Variants in LDLRAD4 observed in about 807,000 individuals in gnomAD.
LDLRAD4 encodes low density lipoprotein receptor class A domain containing 4.
A neutral mutation model predicts 17.0 loss-of-function variants in LDLRAD4; 5 were observed. That is an observed-to-expected ratio of 0.29 (90% confidence interval 0.15 to 0.62). LDLRAD4 has a LOEUF of 0.62. LDLRAD4 is among the 20% of genes least tolerant of loss of function. The pLI is 0.84. For missense variants in LDLRAD4, 340 were observed against 424.7 expected (o/e 0.80, Z 1.75); for synonymous variants, 168 against 171.8 (o/e 0.98, Z 0.17).
intron 1 of LDLRAD4, among the ~76,000 whole-genome samples, chr18:13,290,014 T>G (rs2045874567): frequency 6.6e-6 from 1 of 152,168 alleles, no homozygotes; most frequent in African/African-American, 2.4e-5. Flanking sequence ...TTTTACTGTG[T>G]GGGCAGACGT....
chr18:13,325,295 A>G (rs372838259), intron 1 of LDLRAD4, among the ~76,000 whole-genome samples: 1 of 152,294 alleles, frequency 6.6e-6, no homozygotes. Context: ...AGTCGTGGCT[A>G]TGGACTTCTC....
At position 13,331,332 on chromosome 18, in the gene LDLRAD4, C is replaced by G. The variant is rs563437692; in HGVS notation, c.-383+53144C>G. 2.0e-5 allele frequency among the ~76,000 whole-genome samples: 3 copies of G among 152,234 alleles called. No individual in the cohort carries two copies. The South Asian group carries it at 6.2e-4, about 32-fold the overall frequency. ...GCTTGGTTGGTGTGTGGGGAAGCCC[C>G]CTCCCCACATTTGCTCTCAGAAGAC... On this transcript the variant is annotated intron_variant, in intron 1 of 5. Coordinates refer to ENST00000359446, the Ensembl canonical transcript of LDLRAD4.
intron 3 of LDLRAD4, among the ~76,000 whole-genome samples, chr18:13,503,947 G>A (rs534932024): frequency 9.9e-4 from 150 of 152,174 alleles, no homozygotes; most frequent in African/African-American, 3.5e-3. Flanking sequence ...CTAATGATAG[G>A]CAAGGCTCAT....
chr18:13,643,353 C>A lies in LDLRAD4; in HGVS notation c.337-6C>A. Reference sequence around the variant, plus strand: ...CCCCCACTCTCCTCCCCTTCCCCTCCGCCAGGAAGGGTGCCTGTGGCCTTC... The same window carrying A: ...CCCCCACTCTCCTCCCCTTCCCCTCAGCCAGGAAGGGTGCCTGTGGCCTTC... On this transcript the variant is annotated splice_polypyrimidine_tract_variant and splice_region_variant and intron_variant, in intron 4 of 5. Transcript: ENST00000359446. 1 of 1,464,810 alleles carries A rather than the reference C, an allele frequency of 6.8e-7. No homozygotes were observed. Among genetic ancestry groups the A allele is most frequent in the Admixed American group, 2.4e-5 (1 of 41,750 alleles). The allele number at this position is 1,464,810 out of a possible 1,614,324, so 90.7% of individuals were successfully genotyped here.
At chr18:13,328,199 G>A (rs1368273968) in intron 1 of LDLRAD4, among the ~76,000 whole-genome samples, 1 of 152,232 alleles carries the variant, frequency 6.6e-6, no homozygotes, top group African/African-American at 2.4e-5. Context: ...AGGAGGCTCA[G>A]TGAGGGTTCT....
rs1260420456 is a variant in LDLRAD4, at chr18:13,645,958, CCA to C, written c.*304_*305del. ...CTTTGAAGATACCATGAAATAAAAC[CCA>C]CAGAGGTATTTGATGTATTTAATTG... On this transcript the variant is annotated 3_prime_UTR_variant, in exon 6 of 6. Coordinates refer to ENST00000359446, the Ensembl canonical transcript of LDLRAD4. The surrounding 1 kb of genome is among the most constrained non-coding windows in gnomAD (Gnocchi z 5.7). The C allele has an allele frequency of 7.4e-6, 2 of 270,948 alleles. No individual in the cohort carries two copies. The highest frequency in any genetic ancestry group is 1.4e-5 in the Non-Finnish European group (2 of 146,018). 16.8% of individuals were successfully genotyped at this position (270,948 alleles called of 1,614,324 possible).
At chr18:13,324,951 C>T (rs544725330) in intron 1 of LDLRAD4, among the ~76,000 whole-genome samples, 53 of 152,262 alleles carry the variant, frequency 3.5e-4, no homozygotes, top group Non-Finnish European at 3.8e-4. Context: ...ACGTCAATTA[C>T]GCATGCGTCT....
At chr18:13,619,049 C>A (rs529907891) in intron 3 of LDLRAD4, among the ~76,000 whole-genome samples, 1 of 152,362 alleles carries the variant, frequency 6.6e-6, no homozygotes, top group East Asian at 1.9e-4. Context: ...CACACCCATG[C>A]AGCTGGGCAG....
chr18:13,309,294 G>T (rs1166065235), intron 1 of LDLRAD4, among the ~76,000 whole-genome samples: 2 of 152,156 alleles, frequency 1.3e-5, no homozygotes, highest in Non-Finnish European at 2.9e-5. Context: ...GTGGCTTCGC[G>T]TACTGGTAAT....
At chr18:13,641,363 A>G (rs186243293) in intron 4 of LDLRAD4, among the ~76,000 whole-genome samples, 2 of 152,356 alleles carry the variant, frequency 1.3e-5, no homozygotes, top group East Asian at 3.9e-4. Flanking sequence ...TGAATGGATA[A>G]GTTGGATAGG....
At chr18:13,616,398 T>G (rs920691650) in intron 3 of LDLRAD4, among the ~76,000 whole-genome samples, 2 of 152,190 alleles carry the variant, frequency 1.3e-5, no homozygotes, top group Non-Finnish European at 2.9e-5. Context: ...TTTGAGGATC[T>G]CCTGGGCCCT....
At chr18:13,365,260 A>C (rs11080646) in intron 1 of LDLRAD4, among the ~76,000 whole-genome samples, 61,331 of 152,014 alleles carry the variant, frequency 0.4, 12,841 homozygotes, top group African/African-American at 0.53. Context: ...AGCTGGTTCC[A>C]TGAGAGTCTC....
rs1452361169 is a variant in LDLRAD4 at position 13,300,765 on chromosome 18, TG to T, written c.-383+22578del. Among the ~76,000 whole-genome samples the T allele has an allele frequency of 6.6e-6, 1 of 152,220 alleles. No individual in the cohort carries two copies. The highest frequency in any genetic ancestry group is 1.5e-5 in the Non-Finnish European group (1 of 68,026). ...TTGTATTTCAGTGAGGGGTCTAGGC[TG>T]CTGAGGATTTCTCTCTGGAGGCCTC... is the stretch of plus-strand genomic sequence containing the variant. On this transcript the variant is annotated intron_variant, in intron 1 of 5. Coordinates refer to ENST00000359446, the Ensembl canonical transcript of LDLRAD4. The surrounding 1 kb of genome is among the most constrained non-coding windows in gnomAD (Gnocchi z 4.2).
chr18:13,334,570 A>G (rs1443857382), intron 1 of LDLRAD4, among the ~76,000 whole-genome samples: 1 of 152,192 alleles, frequency 6.6e-6, no homozygotes. Context: ...GTATCCTAGA[A>G]TCTTGCTATA....
At chr18:13,417,237 ATT>A (rs35259198) in intron 2 of LDLRAD4, among the ~76,000 whole-genome samples, 1 of 152,210 alleles carries the variant, frequency 6.6e-6, no homozygotes, top group Non-Finnish European at 1.5e-5. Flanking sequence ...TAGAAAAATT[ATT>A]TTAAGAAGTA....
At chr18:13,566,498 G>A (rs1785174) in intron 3 of LDLRAD4, among the ~76,000 whole-genome samples, 2 of 152,086 alleles carry the variant, frequency 1.3e-5, no homozygotes, top group East Asian at 3.9e-4. Flanking sequence ...GAGTAGCTGG[G>A]ACTACAGGCG....
chr18:13,393,797 C>G (rs1337526383), intron 2 of LDLRAD4, among the ~76,000 whole-genome samples: 1 of 152,204 alleles, frequency 6.6e-6, no homozygotes, highest in Non-Finnish European at 1.5e-5. Context: ...TGCCTTCCTT[C>G]ATTCTTGTGT....
intron 4 of LDLRAD4, among the ~76,000 whole-genome samples, chr18:13,640,278 G>A (rs2042426292): frequency 8.6e-6 from 1 of 115,710 alleles, no homozygotes; most frequent in South Asian, 3.1e-4. Flanking sequence ...GGGCAACAGA[G>A]CGAGATTCCA....
chr18:13,271,747 A>G (rs2044557930), intron 1 of LDLRAD4, among the ~76,000 whole-genome samples: 1 of 151,998 alleles, frequency 6.6e-6, no homozygotes, highest in Admixed American at 6.5e-5. Context: ...GAGCCAAGAG[A>G]GTGTTAGTTG....
Sources: allele counts gnomAD v4.1 joint callset (sites outside exome capture counted in the v4.1 genomes callset), GRCh38; gene constraint gnomAD v4.1.1; non-coding constraint Gnocchi (gnomAD v3.1); transcripts MANE v1.5; gene names NCBI Gene and HGNC (gene_info 2026-07-23, HGNC 2026-07-21).